The following ATRNL1 variants were observed in gnomAD, a reference collection of about 807,000 sequenced individuals.
The protein encoded by ATRNL1 is attractin like 1, also known as attractin-like protein 1.
Under a neutral mutation model 182.7 loss-of-function variants are expected in ATRNL1, and 95 were observed. The observed-to-expected ratio is 0.52, with a 90% CI of 0.44 to 0.62. The LOEUF is 0.62. Ranked by LOEUF, ATRNL1 falls within the 20% of genes least tolerant of loss-of-function variation. The pLI is 0.00. For synonymous variants in ATRNL1, 576 were observed against 568.3 expected (o/e 1.01, Z -0.19); for missense variants, 1,471 against 1,679.5 (o/e 0.88, Z 2.17).
chr10:115,856,839 TAGGCTAC>T (rs1260884083), intron 28 of ATRNL1, among the ~76,000 whole-genome samples: 1 of 152,100 alleles, frequency 6.6e-6, no homozygotes, highest in Admixed American at 6.5e-5. Flanking sequence ...CGGTTCTCAA[TAGGCTAC>T]AGGCTGGTAC....
At chr10:115,473,321 A>G (rs558597648) in intron 24 of ATRNL1, among the ~76,000 whole-genome samples, 1 of 150,788 alleles carries the variant, frequency 6.6e-6, no homozygotes, top group East Asian at 2.0e-4. Flanking sequence ...TTTTTTCCTT[A>G]TGTTCCCTAT....
chr10:115,627,943 G>A (rs1223609025), intron 26 of ATRNL1, among the ~76,000 whole-genome samples: 1 of 151,910 alleles, frequency 6.6e-6, no homozygotes, highest in African/African-American at 2.4e-5. Context: ...TCAGGAATTC[G>A]AGACCAGGCT....
chr10:115,148,744 G>GTTTTTT (rs71010009), intron 5 of ATRNL1, among the ~76,000 whole-genome samples: 908 of 116,614 alleles, frequency 7.8e-3, no homozygotes, highest in Non-Finnish European at 0.013. Context: ...GGCCAGATGC[G>GTTTTTT]TTTTTTTTTT....
chr10:115,845,585 A>G (rs1165863256), intron 27 of ATRNL1, among the ~76,000 whole-genome samples: 1 of 152,052 alleles, frequency 6.6e-6, no homozygotes, highest in Non-Finnish European at 1.5e-5. Flanking sequence ...AAAAAGATCA[A>G]ATTGATGTAC....
At chr10:115,183,408 A>G (rs1847820946) in intron 8 of ATRNL1, among the ~76,000 whole-genome samples, 1 of 151,646 alleles carries the variant, frequency 6.6e-6, no homozygotes, top group East Asian at 1.9e-4. Flanking sequence ...TGATGTAAGA[A>G]CAGAAAAACA....
rs1950967308 is a variant in ATRNL1 at position 115,847,934 on chromosome 10, A to G, written c.3961A>G (p.Thr1321Ala). The change falls in exon 28 of 29, where the codon ACT (threonine) becomes GCT (alanine). Residue 1321 changes from threonine (T) to alanine (A), a missense_variant. By Grantham distance (58) the Thr-to-Ala change is moderately conservative. Around this residue, in one of 3 missense-constraint regions of ATRNL1, gnomAD observed 437 missense variants for 506.0 expected, o/e 0.86. Transcript: ENST00000355044. Reference protein sequence around the residue: ...PCAGNRAAVLTVFLCLPRGSS... With the variant: ...PCAGNRAAVLAVFLCLPRGSS... ...TGCTGGGAACAGAGCTGCTGTTCTG[A>G]CTGTGTTTCTTTGTCTACCACGAGG... 1.2e-6 allele frequency: 2 copies of G among 1,612,878 alleles called. No homozygotes were observed. The highest frequency in any genetic ancestry group is 1.7e-6 in the Non-Finnish European group (2 of 1,179,252).
intron 24 of ATRNL1, among the ~76,000 whole-genome samples, chr10:115,498,653 C>T (rs1371059990): frequency 1.3e-5 from 2 of 151,458 alleles, no homozygotes; most frequent in African/African-American, 4.8e-5. Context: ...TAGATACTTT[C>T]TATATATAAG....
At chr10:115,680,949 G>A (rs1051983960) in intron 26 of ATRNL1, among the ~76,000 whole-genome samples, 9 of 152,182 alleles carry the variant, frequency 5.9e-5, no homozygotes, top group African/African-American at 1.9e-4. Flanking sequence ...ACCTGGTATT[G>A]CACTTTTTGT....
intron 26 of ATRNL1, among the ~76,000 whole-genome samples, chr10:115,563,983 A>G (rs911798705): frequency 1.5e-4 from 23 of 152,226 alleles, no homozygotes; most frequent in African/African-American, 5.5e-4. Context: ...CTCATGTCCA[A>G]GAATCACATC....
At chr10:115,734,811 A>G (rs1555064878) in intron 27 of ATRNL1, among the ~76,000 whole-genome samples, 2 of 151,940 alleles carry the variant, frequency 1.3e-5, no homozygotes, top group Non-Finnish European at 2.9e-5. Flanking sequence ...TTATTTTTCC[A>G]TCTTTAAAAA....
At chr10:115,149,977 T>G (rs1344094748) in intron 5 of ATRNL1, among the ~76,000 whole-genome samples, 11 of 151,938 alleles carry the variant, frequency 7.2e-5, no homozygotes, top group Non-Finnish European at 2.9e-5. Context: ...TCCTGGACTT[T>G]CCTTTGTTGG....
Position 115,230,870 on chromosome 10 carries a change from T to TGAGAGAGAGAGAGAGAGAGA in ATRNL1, c.1533-10668_1533-10649dup, listed in dbSNP as rs1169884107. Among the ~76,000 whole-genome samples the TGAGAGAGAGAGAGAGAGAGA allele has an allele frequency of 1.7e-3, 141 of 83,720 alleles. 3 individuals carry two copies. The highest frequency in any genetic ancestry group is 2.1e-3 in the Non-Finnish European group (96 of 45,534). 54.9% of individuals were successfully genotyped at this position (83,720 alleles called of 152,430 possible). ...ACTAGGGGACTGGATATAGAGTGGA[T>TGAGAGAGAGAGAGAGAGAGA]GAGAGAGAGAGAGAGAGAGAGAGAG... On this transcript the variant is annotated intron_variant, in intron 9 of 28. Transcript: ENST00000355044.
intron 19 of ATRNL1, among the ~76,000 whole-genome samples, chr10:115,383,122 T>TC (rs2041426475): frequency 6.6e-6 from 1 of 151,630 alleles, no homozygotes. Flanking sequence ...TTTTCTTTTT[T>TC]TTTTTCTCTC....
chr10:115,790,740 C>A (rs1949512006), intron 27 of ATRNL1, among the ~76,000 whole-genome samples: 1 of 151,172 alleles, frequency 6.6e-6, no homozygotes, highest in Non-Finnish European at 1.5e-5. Context: ...ATCTGCTTTT[C>A]TAGCTTTATT....
intron 25 of ATRNL1, among the ~76,000 whole-genome samples, chr10:115,543,427 T>C (rs1852474033): frequency 6.6e-6 from 1 of 152,230 alleles, no homozygotes; most frequent in Admixed American, 6.5e-5. Flanking sequence ...AATTGAAAGA[T>C]AGTTTGTGGA....
At chr10:115,725,456 A>G (rs578092496) in intron 26 of ATRNL1, among the ~76,000 whole-genome samples, 1 of 152,294 alleles carries the variant, frequency 6.6e-6, no homozygotes, top group South Asian at 2.1e-4. Context: ...ATATAAGGAA[A>G]AGGCAAGATG....
chr10:115,380,133 T>A (rs548576651), intron 19 of ATRNL1, among the ~76,000 whole-genome samples: 2 of 152,284 alleles, frequency 1.3e-5, no homozygotes, highest in South Asian at 4.1e-4. Context: ...CCTGGCCAAC[T>A]TTATATATAC....
intron 21 of ATRNL1, among the ~76,000 whole-genome samples, chr10:115,448,837 A>G (rs781813952): frequency 2.0e-5 from 3 of 151,120 alleles, no homozygotes; most frequent in South Asian, 2.1e-4. Flanking sequence ...TTTTGCTCCA[A>G]TGTAATAGCG....
At chr10:115,207,711 C>A (rs540991560) in intron 8 of ATRNL1, among the ~76,000 whole-genome samples, 1 of 152,112 alleles carries the variant, frequency 6.6e-6, no homozygotes, top group South Asian at 2.1e-4. Flanking sequence ...AATGTGACTC[C>A]ACTGTCCTCT....
Sources: allele counts gnomAD v4.1 joint callset (sites outside exome capture counted in the v4.1 genomes callset), GRCh38; gene constraint gnomAD v4.1.1; regional missense constraint gnomAD v4.1.1; transcripts MANE v1.5; gene names NCBI Gene and HGNC (gene_info 2026-07-23, HGNC 2026-07-21).